Variants in GALNTL6 observed in about 807,000 individuals in gnomAD.
GALNTL6 encodes polypeptide N-acetylgalactosaminyltransferase-like 6.
GALNTL6 carries 46 observed loss-of-function variants against 73.7 expected under a neutral mutation model. The ratio of observed to expected loss-of-function variants is 0.62; its 90% CI spans 0.49 to 0.80. The LOEUF (loss-of-function observed/expected upper bound fraction) is 0.80, where lower values mean the gene tolerates loss of function less well. GALNTL6 is among the 30% of genes least tolerant of loss of function. The probability of loss-of-function intolerance (pLI) is 0.00; values close to 1 mark genes in which losing one functional copy is unlikely to be tolerated. For synonymous variants in GALNTL6, 259 were observed against 263.7 expected (o/e 0.98, Z 0.17); for missense variants, 604 against 755.0 (o/e 0.80, Z 2.34).
intron 5 of GALNTL6, among the ~76,000 whole-genome samples, chr4:172,543,435 C>A (rs1192181249): frequency 6.6e-6 from 1 of 152,194 alleles, no homozygotes; most frequent in African/African-American, 2.4e-5. Context: ...TGCGCCCATG[C>A]AAACTGGAAG....
chr4:172,063,418 T>G (rs1731265796), intron 2 of GALNTL6, among the ~76,000 whole-genome samples: 1 of 152,208 alleles, frequency 6.6e-6, no homozygotes. Context: ...ATATTACAGA[T>G]TTTTCCCTAA....
intron 10 of GALNTL6, among the ~76,000 whole-genome samples, chr4:172,986,010 A>G (rs1203405892): frequency 1.3e-5 from 2 of 152,182 alleles, no homozygotes; most frequent in African/African-American, 4.8e-5. Flanking sequence ...GGCTTTTTAC[A>G]TTCTTCTTTT....
chr4:171,900,410 C>T (rs151259908), intron 2 of GALNTL6, among the ~76,000 whole-genome samples: 1,978 of 152,022 alleles, frequency 0.013, 46 homozygotes, highest in African/African-American at 0.043. Flanking sequence ...CAGGTTCAAG[C>T]GATTTTCCTG....
intron 5 of GALNTL6, among the ~76,000 whole-genome samples, chr4:172,560,206 G>A (rs1579189208): frequency 6.6e-6 from 1 of 152,242 alleles, no homozygotes; most frequent in East Asian, 1.9e-4. Flanking sequence ...GGCCAAGCGT[G>A]ATGGTTCACG....
intron 2 of GALNTL6, among the ~76,000 whole-genome samples, chr4:171,924,446 G>T (rs1020283899): frequency 2.6e-5 from 4 of 152,114 alleles, no homozygotes; most frequent in African/African-American, 9.7e-5. Context: ...ACACATTCAA[G>T]GAAGAGCAAT....
chr4:172,759,771 C>T (rs1222856871), intron 5 of GALNTL6, among the ~76,000 whole-genome samples: 1 of 144,604 alleles, frequency 6.9e-6, no homozygotes, highest in Non-Finnish European at 1.5e-5. Flanking sequence ...ATAAATCCTG[C>T]ACCTGCACTC....
At chr4:172,189,056 G>C (rs1735495381) in intron 2 of GALNTL6, among the ~76,000 whole-genome samples, 1 of 152,150 alleles carries the variant, frequency 6.6e-6, no homozygotes, top group Non-Finnish European at 1.5e-5. Flanking sequence ...CTTGTTAACT[G>C]TGTTTTCAGG....
intron 5 of GALNTL6, among the ~76,000 whole-genome samples, chr4:172,542,436 G>A (rs1437052638): frequency 6.6e-6 from 1 of 151,932 alleles, no homozygotes; most frequent in Non-Finnish European, 1.5e-5. Context: ...AATGATTTGG[G>A]GCTGCTTTTC....
At chr4:172,244,776 T>A (rs1398209796) in intron 3 of GALNTL6, among the ~76,000 whole-genome samples, 1 of 152,176 alleles carries the variant, frequency 6.6e-6, no homozygotes, top group Non-Finnish European at 1.5e-5. Context: ...TATATAAACA[T>A]ATTTCAAGTA....
intron 5 of GALNTL6, among the ~76,000 whole-genome samples, chr4:172,501,265 A>T (rs1473440029): frequency 6.6e-6 from 1 of 152,202 alleles, no homozygotes; most frequent in Admixed American, 6.5e-5. Context: ...CTGCAAGTGA[A>T]TCTACAATTA....
At chr4:172,578,928 G>T (rs1166316968) in intron 5 of GALNTL6, among the ~76,000 whole-genome samples, 1 of 152,196 alleles carries the variant, frequency 6.6e-6, no homozygotes, top group Non-Finnish European at 1.5e-5. Flanking sequence ...CCTCCTGGAA[G>T]AAGAGAGAAT....
intron 2 of GALNTL6, among the ~76,000 whole-genome samples, chr4:171,832,868 A>G (rs1471835643): frequency 1.3e-5 from 2 of 151,832 alleles, no homozygotes; most frequent in East Asian, 1.9e-4. Flanking sequence ...CTAGACAAAC[A>G]TAAACATTCA....
At chr4:172,016,726 T>C (rs1741207949) in intron 2 of GALNTL6, among the ~76,000 whole-genome samples, 1 of 150,952 alleles carries the variant, frequency 6.6e-6, no homozygotes, top group African/African-American at 2.4e-5. Context: ...TTTTTTAATT[T>C]ATTTTTTATT....
chr4:171,955,428 A>G (rs1275174279), intron 2 of GALNTL6, among the ~76,000 whole-genome samples: 1 of 151,856 alleles, frequency 6.6e-6, no homozygotes, highest in Non-Finnish European at 1.5e-5. Flanking sequence ...GACCCCCGAT[A>G]TTCATGAAAG....
intron 5 of GALNTL6, among the ~76,000 whole-genome samples, chr4:172,644,950 G>T (rs1382582783): frequency 6.6e-6 from 1 of 151,942 alleles, no homozygotes; most frequent in Non-Finnish European, 1.5e-5. Flanking sequence ...AATGACTAAT[G>T]ATATTGAACA....
intron 5 of GALNTL6, among the ~76,000 whole-genome samples, chr4:172,694,724 T>C (rs1237862111): frequency 1.3e-5 from 2 of 152,220 alleles, no homozygotes; most frequent in Admixed American, 6.5e-5. Flanking sequence ...ATCTGTAGAC[T>C]TGGGAGAAGT....
chr4:172,780,203 C>T (rs945014441), intron 5 of GALNTL6, among the ~76,000 whole-genome samples: 1 of 151,854 alleles, frequency 6.6e-6, no homozygotes, highest in African/African-American at 2.4e-5. Context: ...GAATCTTTTC[C>T]TTTAAACTGA....
chr4:172,108,662 A>C (rs1351487978), intron 2 of GALNTL6, among the ~76,000 whole-genome samples: 3 of 152,138 alleles, frequency 2.0e-5, no homozygotes, highest in Non-Finnish European at 2.9e-5. Flanking sequence ...GGTTCGATCA[A>C]GTTGACACAT....
At chr4:172,012,171 G>A (rs1038764429) in intron 2 of GALNTL6, among the ~76,000 whole-genome samples, 3 of 152,090 alleles carry the variant, frequency 2.0e-5, no homozygotes, top group African/African-American at 4.8e-5. Flanking sequence ...AAAGCCCACC[G>A]TAGGGACTTG....
Sources: allele counts gnomAD v4.1 joint callset (sites outside exome capture counted in the v4.1 genomes callset), GRCh38; gene constraint gnomAD v4.1.1; transcripts MANE v1.5; gene names NCBI Gene and HGNC (gene_info 2026-07-23, HGNC 2026-07-21).